The following GAS2 variants were observed in gnomAD, a reference collection of about 807,000 sequenced individuals.
The protein encoded by GAS2 is growth arrest-specific protein 2.
In GAS2, 20 loss-of-function variants were observed where a neutral mutation model predicts 37.5. That is an observed-to-expected ratio of 0.53 (90% CI 0.37 to 0.77). The LOEUF is 0.77. GAS2 is among the 30% of genes least tolerant of loss of function. GAS2 has a pLI of 0.00. For missense variants in GAS2, 336 were observed against 373.4 expected (o/e 0.90, Z 0.82); for synonymous variants, 144 against 132.2 (o/e 1.09, Z -0.61).
intron 5 of GAS2, among the ~76,000 whole-genome samples, chr11:22,743,455 AT>A (rs1853206412): frequency 6.6e-6 from 1 of 152,108 alleles, no homozygotes; most frequent in Admixed American, 6.6e-5. Flanking sequence ...ACACTATTTA[AT>A]TCCTTCTAAT....
At chr11:22,742,783 A>G (rs932515569) in intron 5 of GAS2, among the ~76,000 whole-genome samples, 4 of 152,130 alleles carry the variant, frequency 2.6e-5, no homozygotes, top group African/African-American at 7.2e-5. Flanking sequence ...TTACTCGAAC[A>G]TAAGTATTAT....
At chr11:22,677,468 A>G (rs550946909) in intron 2 of GAS2, among the ~76,000 whole-genome samples, 62 of 152,226 alleles carry the variant, frequency 4.1e-4, no homozygotes, top group Non-Finnish European at 7.2e-4. Flanking sequence ...AATTTACAGT[A>G]TGATCTATGA....
chr11:22,786,274 A>G (rs577399454), intron 7 of GAS2, among the ~76,000 whole-genome samples: 1 of 152,290 alleles, frequency 6.6e-6, no homozygotes, highest in South Asian at 2.1e-4. Flanking sequence ...AGCTGTCACC[A>G]TCAATCTTTA....
intron 1 of GAS2, among the ~76,000 whole-genome samples, chr11:22,654,967 C>A (rs995079226): frequency 7.2e-5 from 11 of 151,968 alleles, no homozygotes; most frequent in Admixed American, 6.6e-4. Context: ...AATTAATAAC[C>A]AAATCTGTCA....
chr11:22,704,209 A>G (rs948831610), intron 3 of GAS2, among the ~76,000 whole-genome samples: 1 of 151,502 alleles, frequency 6.6e-6, no homozygotes, highest in Non-Finnish European at 1.5e-5. Context: ...CTTTTGTGCC[A>G]TGTTCTTTTA....
intron 1 of GAS2, among the ~76,000 whole-genome samples, chr11:22,674,348 G>A (rs758078816): frequency 2.0e-5 from 3 of 151,684 alleles, no homozygotes; most frequent in Non-Finnish European, 2.9e-5. Flanking sequence ...TTGCTTGGCC[G>A]TCTCCAAAAA....
chr11:22,777,623 GGCAGAGGAAT>G (rs1359145332), intron 7 of GAS2, among the ~76,000 whole-genome samples: 2 of 152,158 alleles, frequency 1.3e-5, no homozygotes, highest in African/African-American at 2.4e-5. Context: ...GGGTAAGCAT[GGCAGAGGAAT>G]AGGAAGAACT....
At chr11:22,638,077 T>C (rs1858861590) in intron 1 of GAS2, among the ~76,000 whole-genome samples, 1 of 152,026 alleles carries the variant, frequency 6.6e-6, no homozygotes, top group Non-Finnish European at 1.5e-5. Context: ...ACATTGGCTA[T>C]TGTTATTAAT....
At position 22,758,913 on chromosome 11, in the gene GAS2, C is replaced by CA. The variant is rs66871964; in HGVS notation, c.723+2974dup. ...GGACAACAAGAGCAAAACTCCGTCTCAAAAAAAAAAAAAAGAGAAAGTCAT... is the reference window on the plus strand; with the variant it reads ...GGACAACAAGAGCAAAACTCCGTCTCAAAAAAAAAAAAAAAGAGAAAGTCAT... On this transcript the variant is annotated intron_variant, in intron 7 of 7. Coordinates refer to ENST00000454584, the MANE Select transcript of GAS2 (RefSeq NM_001143830.3). Among the ~76,000 whole-genome samples, 239 of 73,316 alleles carry CA rather than the reference C, an allele frequency of 3.3e-3. 18 individuals carry two copies. In the East Asian group the frequency reaches 0.1, roughly 32 times the overall value. The allele number at this position is 73,316 out of a possible 152,430, so 48.1% of individuals were successfully genotyped here. A position where few individuals can be genotyped will look rare whatever the true frequency, so the allele number is the denominator to read the frequency against.
chr11:22,746,652 G>A (rs1212020546), intron 5 of GAS2, among the ~76,000 whole-genome samples: 2 of 152,002 alleles, frequency 1.3e-5, no homozygotes, highest in African/African-American at 2.4e-5. Context: ...CTAAACACTG[G>A]GTACTCATGG....
At chr11:22,770,202 G>T (rs1854906183) in intron 7 of GAS2, among the ~76,000 whole-genome samples, 1 of 152,074 alleles carries the variant, frequency 6.6e-6, no homozygotes, top group African/African-American at 2.4e-5. Context: ...ATGCATGCAG[G>T]GTTTAAAACC....
rs1849278065 is a variant in GAS2, at chr11:22,673,250, AG to A, written c.-20-1599del. On this transcript the variant is annotated intron_variant, in intron 1 of 7. Coordinates refer to ENST00000454584, the MANE Select transcript of GAS2 (RefSeq NM_001143830.3). ...ACCAGTGTCTTATTTGTTCTTCAAA[AG>A]CAATATTTAAAATAAATTAACTTAT... 2.0e-5 allele frequency among the ~76,000 whole-genome samples: 3 copies of A among 152,202 alleles called. No homozygotes were observed. The South Asian group carries it at 6.2e-4, about 31-fold the overall frequency.
chr11:22,782,332 C>T (rs1855591278), intron 7 of GAS2, among the ~76,000 whole-genome samples: 1 of 152,096 alleles, frequency 6.6e-6, no homozygotes, highest in South Asian at 2.1e-4. Flanking sequence ...CTTTCGAAAC[C>T]AGAAGTTTAA....
chr11:22,685,911 A>C, intron 3 of GAS2, 122 bp downstream of exon 3: 1 of 817,306 alleles, frequency 1.2e-6, no homozygotes, highest in Non-Finnish European at 1.8e-6. Flanking sequence ...ACTAACAACA[A>C]AGTACAGAGA....
At chr11:22,746,833 G>T (rs1853432136) in intron 5 of GAS2, among the ~76,000 whole-genome samples, 1 of 152,062 alleles carries the variant, frequency 6.6e-6, no homozygotes, top group African/African-American at 2.4e-5. Flanking sequence ...TTCTGCACAT[G>T]TACCCCTGAA....
At chr11:22,637,029 T>A (rs1250684134) in intron 1 of GAS2, among the ~76,000 whole-genome samples, 1 of 136,564 alleles carries the variant, frequency 7.3e-6, no homozygotes, top group Non-Finnish European at 1.5e-5. Flanking sequence ...TATTATATAT[T>A]CTGGTTATCT....
chr11:22,651,789 T>A (rs917699686), intron 1 of GAS2, among the ~76,000 whole-genome samples: 1 of 152,222 alleles, frequency 6.6e-6, no homozygotes, highest in Admixed American at 6.5e-5. Flanking sequence ...TAAGCACTTC[T>A]CTGTATTGGT....
chr11:22,747,113 A>C (rs1159830879), intron 5 of GAS2, among the ~76,000 whole-genome samples: 1 of 152,202 alleles, frequency 6.6e-6, no homozygotes, highest in Non-Finnish European at 1.5e-5. Flanking sequence ...TAATACTTAC[A>C]TGCTTTATTA....
chr11:22,707,406 C>T (rs775332047), intron 3 of GAS2, among the ~76,000 whole-genome samples: 15 of 152,132 alleles, frequency 9.9e-5, no homozygotes, highest in African/African-American at 1.4e-4. Flanking sequence ...TTTTCTTTGA[C>T]CTAGTCCTTA....
Sources: allele counts gnomAD v4.1 joint callset (sites outside exome capture counted in the v4.1 genomes callset), GRCh38; gene constraint gnomAD v4.1.1; transcripts MANE v1.5; gene names NCBI Gene and HGNC (gene_info 2026-07-23, HGNC 2026-07-21).